SUZ12: variants seen among roughly 807,000 people sequenced by gnomAD.
SUZ12 encodes the protein SUZ12 polycomb repressive complex 2 subunit.
SUZ12 carries 17 observed loss-of-function variants against 87.3 expected under a neutral mutation model. The ratio of observed to expected loss-of-function variants is 0.19; its 90% CI spans 0.13 to 0.29. The LOEUF (loss-of-function observed/expected upper bound fraction) is 0.29. SUZ12 is among the 10% of genes least tolerant of loss of function. The pLI is 1.00. For synonymous variants in SUZ12, 253 were observed against 312.4 expected (o/e 0.81, Z 2.01); for missense variants, 526 against 912.2 (o/e 0.58, Z 5.45).
Position 31,952,173 on chromosome 17 carries a change from A to T in SUZ12, c.455+4488A>T, listed in dbSNP as rs536204295. Among the ~76,000 whole-genome samples, 56 of 151,974 alleles carry T rather than the reference A, an allele frequency of 3.7e-4. 2 individuals carry two copies. The South Asian group carries it at 0.011, about 29-fold the overall frequency. ...ACTCCTGGCCTCAAACCATCCTCCC[A>T]TCTTAGCCTCCTGAATAGCTAGGAC... is the stretch of plus-strand genomic sequence containing the variant. On this transcript the variant is annotated intron_variant, in intron 4 of 15. Transcript: ENST00000322652.
At chr17:31,944,556 A>C (rs575092759) in intron 3 of SUZ12, among the ~76,000 whole-genome samples, 1 of 152,042 alleles carries the variant, frequency 6.6e-6, no homozygotes, top group Non-Finnish European at 1.5e-5. Context: ...GTAAGAACTG[A>C]TTTTCTTAAT....
intron 3 of SUZ12, 128 bp downstream of exon 3, chr17:31,940,614 A>G: frequency 7.1e-7 from 1 of 1,408,478 alleles, no homozygotes; most frequent in Non-Finnish European, 9.4e-7. Context: ...ATTTAAGATG[A>G]AAACTGAAGT....
chr17:31,959,482 A>G (rs1907569080), intron 4 of SUZ12, among the ~76,000 whole-genome samples: 1 of 152,214 alleles, frequency 6.6e-6, no homozygotes, highest in Non-Finnish European at 1.5e-5. Context: ...CCTGGATTTC[A>G]GAATATTGGA....
intron 10 of SUZ12, among the ~76,000 whole-genome samples, chr17:31,992,252 A>G (rs968828837): frequency 1.3e-5 from 2 of 152,078 alleles, no homozygotes; most frequent in African/African-American, 4.8e-5. Flanking sequence ...AGATTGTGCC[A>G]CTGCACGCCA....
intron 5 of SUZ12, among the ~76,000 whole-genome samples, chr17:31,970,420 G>C (rs556707996): frequency 6.6e-6 from 1 of 152,202 alleles, no homozygotes; most frequent in African/African-American, 2.4e-5. Context: ...CTGAGGTAGG[G>C]AGTTTGAGAC....
intron 4 of SUZ12, among the ~76,000 whole-genome samples, chr17:31,960,234 G>A (rs898801778): frequency 2.0e-5 from 3 of 151,222 alleles, no homozygotes; most frequent in Admixed American, 6.6e-5. Flanking sequence ...TTTTTGAGAC[G>A]GGGTCTCGCT....
intron 4 of SUZ12, among the ~76,000 whole-genome samples, chr17:31,950,681 CAAAAAAA>C (rs1202150910): frequency 2.0e-5 from 3 of 150,548 alleles, no homozygotes; most frequent in Non-Finnish European, 4.4e-5. Context: ...GACTCTGTCT[CAAAAAAA>C]GAAAAAAGAT....
At chr17:31,945,286 T>C (rs898609903) in intron 3 of SUZ12, among the ~76,000 whole-genome samples, 1 of 152,110 alleles carries the variant, frequency 6.6e-6, no homozygotes, top group African/African-American at 2.4e-5. Context: ...CAACATAATA[T>C]CCATTGTTGG....
chr17:31,938,190 G>A (rs994603046), intron 1 of SUZ12, among the ~76,000 whole-genome samples: 7 of 152,120 alleles, frequency 4.6e-5, no homozygotes, highest in African/African-American at 1.7e-4. Context: ...CTGTCTGGAA[G>A]GTGAAACTGA....
intron 9 of SUZ12, 41 bp from the exon 10 acceptor site, chr17:31,988,278 AT>A (rs2142203901): frequency 1.3e-6 from 2 of 1,485,012 alleles, no homozygotes; most frequent in South Asian, 1.4e-5. Flanking sequence ...ATTTGAATTC[AT>A]TATCTGAGTC....
Position 31,937,365 on chromosome 17 carries a change from A to G in SUZ12, c.119A>G (p.Lys40Arg), listed in dbSNP as rs1032353170. Residue 40 changes from lysine (K) to arginine (R), a missense_variant, in exon 1 of 16, where the codon AAA (lysine) becomes AGA (arginine). By Grantham distance (26) the Lys-to-Arg change is conservative. Coordinates refer to ENST00000322652, the MANE Select transcript of SUZ12 (RefSeq NM_015355.4). Reference protein sequence around the residue: ...AVAAATASGGKSGGGSCGGGG... With the variant: ...AVAAATASGGRSGGGSCGGGG... ...GCGGCGGCGACGGCTTCGGGCGGCA[A>G]ATCCGGCGGCGGGAGCTGTGGAGGG... 1.8e-5 allele frequency: 27 copies of G among 1,501,544 alleles called. No individual in the cohort carries two copies. In the Admixed American group the frequency reaches 2.3e-4, roughly 13 times the overall value. 93.0% of individuals were successfully genotyped at this position (1,501,544 alleles called of 1,614,324 possible).
intron 4 of SUZ12, among the ~76,000 whole-genome samples, chr17:31,951,657 T>C (rs1229224247): frequency 6.6e-6 from 1 of 151,846 alleles, no homozygotes; most frequent in East Asian, 1.9e-4. Context: ...TTTGTATTTT[T>C]AGTAGAGACG....
chr17:31,974,151 A>G (rs957971955), intron 6 of SUZ12, among the ~76,000 whole-genome samples: 8 of 152,098 alleles, frequency 5.3e-5, no homozygotes, highest in African/African-American at 1.7e-4. Flanking sequence ...TCGAGGCTGC[A>G]GTGAGCCATG....
intron 9 of SUZ12, among the ~76,000 whole-genome samples, chr17:31,985,090 C>T (rs1017116920): frequency 1.5e-5 from 2 of 137,884 alleles, no homozygotes; most frequent in African/African-American, 5.5e-5. Flanking sequence ...ACCTGGGAGG[C>T]AGAGGTTTCA....
At chr17:31,988,977 C>A (rs1293304429) in intron 10 of SUZ12, among the ~76,000 whole-genome samples, 3 of 151,696 alleles carry the variant, frequency 2.0e-5, no homozygotes, top group African/African-American at 7.3e-5. Context: ...GAGGCTGAGG[C>A]ATGAGAATGG....
intron 9 of SUZ12, among the ~76,000 whole-genome samples, chr17:31,987,612 CTTTGGGTACCACAATTTTATTT>C (rs150577666): frequency 0.047 from 7,089 of 152,104 alleles, 530 homozygotes; most frequent in African/African-American, 0.16. Context: ...TGCTGGTGGG[CTTTGGGTACCACAATTTTATTT>C]TTAAGACATT....
intron 3 of SUZ12, 85 bp downstream of exon 3, chr17:31,940,571 A>C (rs1187785788): frequency 3.3e-5 from 50 of 1,513,380 alleles, no homozygotes; most frequent in East Asian, 7.0e-5. Context: ...AAAAAAAAAA[A>C]CGAACAAAAA....
chr17:31,947,761 T>C, intron 4 of SUZ12, 76 bp downstream of exon 4: 1 of 1,406,520 alleles, frequency 7.1e-7, no homozygotes, highest in Non-Finnish European at 9.5e-7. Flanking sequence ...ATTTTCCTAG[T>C]GATCACCTTG....
chr17:31,985,468 A>G (rs1909354889), intron 9 of SUZ12, among the ~76,000 whole-genome samples: 1 of 151,662 alleles, frequency 6.6e-6, no homozygotes, highest in Non-Finnish European at 1.5e-5. Flanking sequence ...TCTAAAATTT[A>G]TAATAGTGGT....
Sources: allele counts gnomAD v4.1 joint callset (sites outside exome capture counted in the v4.1 genomes callset), GRCh38; gene constraint gnomAD v4.1.1; transcripts MANE v1.5; gene names NCBI Gene and HGNC (gene_info 2026-07-23, HGNC 2026-07-21).